The following PDE3B variants were observed in gnomAD, a reference collection of about 807,000 sequenced individuals.
PDE3B encodes cGMP-inhibited 3',5'-cyclic phosphodiesterase 3B.
Under a neutral mutation model 116.8 loss-of-function variants are expected in PDE3B, and 66 were observed. The observed-to-expected ratio is 0.56, with a 90% CI of 0.46 to 0.69. PDE3B has a LOEUF of 0.69. Ranked by LOEUF, PDE3B falls within the 30% of genes least tolerant of loss-of-function variation. PDE3B has a pLI of 0.00. For missense variants in PDE3B, 1,384 were observed against 1,368.1 expected (o/e 1.01, Z -0.18); for synonymous variants, 595 against 533.6 (o/e 1.12, Z -1.59).
At chr11:14,738,958 G>A (rs1372668185) in intron 1 of PDE3B, among the ~76,000 whole-genome samples, 1 of 152,088 alleles carries the variant, frequency 6.6e-6, no homozygotes, top group African/African-American at 2.4e-5. Context: ...TCCATTGGTC[G>A]ATATCTCTGT....
At chr11:14,767,954 A>C (rs1262208982) in intron 1 of PDE3B, among the ~76,000 whole-genome samples, 1 of 151,278 alleles carries the variant, frequency 6.6e-6, no homozygotes, top group Non-Finnish European at 1.5e-5. Context: ...GACACTTAGC[A>C]GTATTTTCAT....
At chr11:14,863,441 C>G (rs1233265129) in intron 14 of PDE3B, among the ~76,000 whole-genome samples, 1 of 152,160 alleles carries the variant, frequency 6.6e-6, no homozygotes, top group African/African-American at 2.4e-5. Context: ...CTAATGACTA[C>G]TGATGATGAG....
At chr11:14,728,663 C>T (rs550023818) in intron 1 of PDE3B, among the ~76,000 whole-genome samples, 2 of 152,148 alleles carry the variant, frequency 1.3e-5, no homozygotes, top group South Asian at 4.2e-4. Context: ...GATACTTAAG[C>T]TTCCTCTTAC....
At chr11:14,713,110 T>G (rs886676667) in intron 1 of PDE3B, among the ~76,000 whole-genome samples, 1 of 152,218 alleles carries the variant, frequency 6.6e-6, no homozygotes, top group Non-Finnish European at 1.5e-5. Context: ...AGTCTTTGCC[T>G]TAGGCCAATA....
chr11:14,742,308 A>G (rs938547687), intron 1 of PDE3B, among the ~76,000 whole-genome samples: 1 of 151,754 alleles, frequency 6.6e-6, no homozygotes, highest in South Asian at 2.1e-4. Context: ...GTTTTCTCTA[A>G]TCTTCTTGCT....
intron 1 of PDE3B, among the ~76,000 whole-genome samples, chr11:14,765,852 TTTAAG>T (rs2133892094): frequency 6.6e-6 from 1 of 150,380 alleles, no homozygotes; most frequent in Non-Finnish European, 1.5e-5. Flanking sequence ...AATTCTTATA[TTTAAG>T]TTATTTACAA....
At chr11:14,690,256 GA>G (rs1420269444) in intron 1 of PDE3B, among the ~76,000 whole-genome samples, 1 of 152,108 alleles carries the variant, frequency 6.6e-6, no homozygotes, top group Non-Finnish European at 1.5e-5. Flanking sequence ...GTTTATAAAT[GA>G]AAGAAAATAT....
intron 2 of PDE3B, chr11:14,774,320 C>G (rs1014920074): frequency 6.6e-6 from 1 of 152,178 alleles, no homozygotes. Context: ...CCCTCACCTA[C>G]AAATTGAGAA....
intron 1 of PDE3B, among the ~76,000 whole-genome samples, chr11:14,686,443 A>T (rs1854876114): frequency 6.6e-6 from 1 of 152,206 alleles, no homozygotes; most frequent in Non-Finnish European, 1.5e-5. Flanking sequence ...TTAGCCTTGA[A>T]TTAATTTGAG....
chr11:14,674,036 A>G, intron 1 of PDE3B: 1 of 1,491,008 alleles, frequency 6.7e-7, no homozygotes, highest in South Asian at 1.1e-5. Flanking sequence ...CTGGTAATTA[A>G]GTCCCAGTCA....
intron 4 of PDE3B, among the ~76,000 whole-genome samples, chr11:14,792,779 A>G (rs1021278874): frequency 6.6e-5 from 10 of 152,188 alleles, no homozygotes; most frequent in African/African-American, 2.4e-4. Flanking sequence ...TTTAAAAAGC[A>G]ATTTAACTGG....
At chr11:14,799,093 A>C (rs1858659549) in intron 4 of PDE3B, among the ~76,000 whole-genome samples, 1 of 152,064 alleles carries the variant, frequency 6.6e-6, no homozygotes, top group Non-Finnish European at 1.5e-5. Context: ...CCTTTTACGC[A>C]CTGCTTTAAA....
At chr11:14,845,276 G>A (rs1307089340) in intron 12 of PDE3B, among the ~76,000 whole-genome samples, 1 of 152,130 alleles carries the variant, frequency 6.6e-6, no homozygotes, top group African/African-American at 2.4e-5. Context: ...GCAGCTGAGG[G>A]TCCTGTCTGT....
rs1055784063 is a variant in PDE3B, at chr11:14,668,665, G to T, written c.978+23612G>T. ...ACAGAAAGTATACAATGAAAGGAAG[G>T]TCCCTTAGACATTTGAAGTTTTTCT... On this transcript the variant is annotated intron_variant, in intron 1 of 15. Coordinates refer to ENST00000282096, the MANE Select transcript of PDE3B (RefSeq NM_000922.4). 4.6e-5 allele frequency among the ~76,000 whole-genome samples: 7 copies of T among 152,064 alleles called. 1 individual carries two copies. The highest frequency in any genetic ancestry group is 3.3e-4 in the Admixed American group (5 of 15,240).
chr11:14,817,551 A>C (rs1409293298), intron 5 of PDE3B, among the ~76,000 whole-genome samples: 1 of 152,040 alleles, frequency 6.6e-6, no homozygotes, highest in Non-Finnish European at 1.5e-5. Flanking sequence ...GGTGTTTGAG[A>C]CCAGCCTGGG....
At chr11:14,836,324 T>C (rs934333920) in intron 11 of PDE3B, among the ~76,000 whole-genome samples, 3 of 151,870 alleles carry the variant, frequency 2.0e-5, no homozygotes, top group Admixed American at 6.5e-5. Flanking sequence ...TTGAGAAATA[T>C]AATATATAAA....
intron 12 of PDE3B, among the ~76,000 whole-genome samples, chr11:14,848,969 A>C (rs911787395): frequency 1.5e-4 from 23 of 152,344 alleles, no homozygotes; most frequent in African/African-American, 5.1e-4. Context: ...CTTTCTTCCC[A>C]GAATTGGAAA....
intron 1 of PDE3B, among the ~76,000 whole-genome samples, chr11:14,672,028 A>ATATATATATATATATACATATATATATGT (rs1554980089): frequency 7.1e-6 from 1 of 140,804 alleles, no homozygotes; most frequent in Non-Finnish European, 1.5e-5. Flanking sequence ...AAAAAAAAAA[A>ATATATATATATATATACATATATATATGT]ATATATATAT....
rs1276113021 is a variant in PDE3B, at chr11:14,644,867, T to G, written c.792T>G (p.Asp264Glu). 6.2e-7 allele frequency: 1 copy of G among 1,613,852 alleles called. No individual in the cohort carries two copies. Among genetic ancestry groups the G allele is most frequent in the Non-Finnish European group, 8.5e-7 (1 of 1,179,910 alleles). The change falls in exon 1 of 16, where the codon GAT becomes GAG. Residue 264 changes from aspartate (D) to glutamate (E), a missense_variant. This residue lies in a region of PDE3B where 956 missense variants were observed against 806.8 expected (regional missense o/e 1.18). Transcript: ENST00000282096. ...GAGCLLALGL[D>E]HFFQIREAPL... ...GCTGCCTGCTGGCCCTGGGGTTGGATCACTTCTTTCAAATCAGGGAAGCGC... is the reference window on the plus strand; with the variant it reads ...GCTGCCTGCTGGCCCTGGGGTTGGAGCACTTCTTTCAAATCAGGGAAGCGC...
Sources: gnomAD v4.1 joint callset for allele counts (sites outside exome capture counted in the v4.1 genomes callset) on GRCh38, gnomAD v4.1.1 for gene constraint, gnomAD v4.1.1 regional missense constraint, MANE v1.5 for transcripts, NCBI Gene and HGNC (gene_info 2026-07-23, HGNC 2026-07-21) for gene names.